Variants in GPATCH2 observed in about 807,000 individuals in gnomAD.
GPATCH2 encodes the protein G patch domain-containing protein 2.
Under a neutral mutation model 58.0 loss-of-function variants are expected in GPATCH2, and 51 were observed. The ratio of observed to expected loss-of-function variants is 0.88; its 90% CI spans 0.70 to 1.11. The LOEUF (loss-of-function observed/expected upper bound fraction) is 1.11, where lower values mean the gene tolerates loss of function less well. GPATCH2 is among the 50% of genes most tolerant of loss of function. The probability of loss-of-function intolerance (pLI) is 0.00; values close to 1 mark genes in which losing one functional copy is unlikely to be tolerated. For synonymous variants in GPATCH2, 222 were observed against 218.5 expected, an observed-to-expected ratio of 1.02 and a Z score of -0.14; for missense variants, 625 against 652.2, an observed-to-expected ratio of 0.96 and a Z score of 0.45.
intron 8 of GPATCH2, among the ~76,000 whole-genome samples, chr1:217,486,758 G>A (rs7553043): frequency 0.1 from 15,156 of 152,148 alleles, 1,483 homozygotes; most frequent in African/African-American, 0.26. Flanking sequence ...CTCTGGCACC[G>A]GAAAACCACA....
At chr1:217,462,179 T>C (rs1337070887) in intron 8 of GPATCH2, among the ~76,000 whole-genome samples, 3 of 152,160 alleles carry the variant, frequency 2.0e-5, no homozygotes, top group African/African-American at 7.2e-5. Flanking sequence ...GTCTACTGAT[T>C]TTAAATGTCT....
At chr1:217,498,237 T>G (rs962401538) in intron 7 of GPATCH2, 119 bp downstream of exon 7, 4 of 833,226 alleles carry the variant, frequency 4.8e-6, no homozygotes, top group Non-Finnish European at 6.4e-6. Flanking sequence ...ATTAACACCT[T>G]TTAAAATGAG....
chr1:217,613,009 C>T (rs566270937), intron 3 of GPATCH2, among the ~76,000 whole-genome samples: 2 of 152,060 alleles, frequency 1.3e-5, no homozygotes, highest in East Asian at 3.9e-4. Flanking sequence ...GATTGACAGG[C>T]TTGTCAAAGT....
At chr1:217,557,279 T>C (rs1005759252) in intron 5 of GPATCH2, among the ~76,000 whole-genome samples, 3 of 151,888 alleles carry the variant, frequency 2.0e-5, no homozygotes, top group Non-Finnish European at 2.9e-5. Flanking sequence ...TGGTGGCGGG[T>C]GCCTGCAATC....
intron 9 of GPATCH2, among the ~76,000 whole-genome samples, chr1:217,437,200 C>T (rs1658878344): frequency 6.6e-6 from 1 of 152,052 alleles, no homozygotes; most frequent in Non-Finnish European, 1.5e-5. Flanking sequence ...GCACTCCAGC[C>T]CAGATACTAC....
At chr1:217,608,827 T>C (rs1179266640) in intron 5 of GPATCH2, 1 of 984,994 alleles carries the variant, frequency 1.0e-6, no homozygotes, top group Admixed American at 6.2e-5. Flanking sequence ...CACACTATTG[T>C]ACCTTTAAAT....
chr1:217,449,178 A>G, intron 9 of GPATCH2, 71 bp downstream of exon 9: 1 of 826,608 alleles, frequency 1.2e-6, no homozygotes, highest in Non-Finnish European at 2.1e-6. Context: ...ATTAAGAAGT[A>G]TCTACATTTT....
chr1:217,468,554 CACACACACAG>C (rs1440823061), intron 8 of GPATCH2, among the ~76,000 whole-genome samples: 2 of 117,172 alleles, frequency 1.7e-5, no homozygotes, highest in South Asian at 2.8e-4. Context: ...CACACACACA[CACACACACAG>C]AGAGAAAGAG....
chr1:217,548,055 C>T (rs1030177703), intron 5 of GPATCH2, among the ~76,000 whole-genome samples: 57 of 152,202 alleles, frequency 3.7e-4, no homozygotes, highest in African/African-American at 1.3e-3. Context: ...TCCTGTTAAG[C>T]CTGTGGAGCT....
chr1:217,579,873 A>G (rs1447029366), intron 5 of GPATCH2, among the ~76,000 whole-genome samples: 1 of 152,166 alleles, frequency 6.6e-6, no homozygotes, highest in African/African-American at 2.4e-5. Flanking sequence ...AAATGAAGCT[A>G]TCCTTTAATC....
intron 6 of GPATCH2, 21 bp downstream of exon 6, chr1:217,514,801 A>G (rs750924239): frequency 2.6e-6 from 3 of 1,162,196 alleles, no homozygotes; most frequent in East Asian, 4.7e-5. Flanking sequence ...ATAAGGTTAT[A>G]TAAACACACT....
intron 8 of GPATCH2, among the ~76,000 whole-genome samples, chr1:217,481,278 T>C (rs945529952): frequency 1.2e-4 from 18 of 152,152 alleles, no homozygotes; most frequent in Non-Finnish European, 2.9e-5. Flanking sequence ...TAAATACACA[T>C]ACCTACTATG....
intron 9 of GPATCH2, among the ~76,000 whole-genome samples, chr1:217,444,644 T>C (rs922607792): frequency 1.3e-5 from 2 of 152,242 alleles, no homozygotes; most frequent in Non-Finnish European, 2.9e-5. Context: ...GGGCTGGTGG[T>C]GTATGTGTCA....
chr1:217,582,759 TA>T (rs1667133683), intron 5 of GPATCH2, among the ~76,000 whole-genome samples: 1 of 152,204 alleles, frequency 6.6e-6, no homozygotes, highest in Non-Finnish European at 1.5e-5. Flanking sequence ...AGCAGGTCAG[TA>T]AACAGAGAGA....
chr1:217,524,338 G>T (rs1287271757), intron 5 of GPATCH2, among the ~76,000 whole-genome samples: 1 of 151,504 alleles, frequency 6.6e-6, no homozygotes, highest in Non-Finnish European at 1.5e-5. Context: ...CTTCCTAGAT[G>T]GGATGGCGGC....
chr1:217,560,785 C>T (rs982563140), intron 5 of GPATCH2, among the ~76,000 whole-genome samples: 3 of 152,178 alleles, frequency 2.0e-5, no homozygotes, highest in Non-Finnish European at 4.4e-5. Context: ...TAGTAGCATT[C>T]CCAACCCTGT....
chr1:217,495,855 C>A (rs914951924), intron 7 of GPATCH2, among the ~76,000 whole-genome samples: 1 of 152,148 alleles, frequency 6.6e-6, no homozygotes, highest in African/African-American at 2.4e-5. Context: ...AAGGCACGAT[C>A]ACTATGTATA....
intron 5 of GPATCH2, among the ~76,000 whole-genome samples, chr1:217,603,671 G>A (rs148393251): frequency 6.6e-6 from 1 of 152,078 alleles, no homozygotes; most frequent in East Asian, 1.9e-4. Flanking sequence ...TGCCCAGACT[G>A]GAGTCCAGTG....
chr1:217,622,188 G>T (rs780334629), intron 1 of GPATCH2, among the ~76,000 whole-genome samples: 6 of 152,130 alleles, frequency 3.9e-5, no homozygotes, highest in African/African-American at 9.7e-5. Flanking sequence ...CAAATGACTC[G>T]TAGGTAGCTA....
Sources: allele counts gnomAD v4.1 joint callset (sites outside exome capture counted in the v4.1 genomes callset), GRCh38; gene constraint gnomAD v4.1.1; transcripts MANE v1.5; gene names NCBI Gene and HGNC (gene_info 2026-07-23, HGNC 2026-07-21).